KIF13B: variants seen among roughly 807,000 people sequenced by gnomAD.
KIF13B encodes kinesin family member 13B.
KIF13B carries 127 observed loss-of-function variants against 222.0 expected under a neutral mutation model. The observed-to-expected ratio is 0.57, with a 90% CI of 0.50 to 0.66. KIF13B has a LOEUF of 0.66. Among genes scored for constraint, KIF13B ranks in the 30% least tolerant of loss-of-function variants. KIF13B has a pLI of 0.00. For missense variants in KIF13B, 2,173 were observed against 2,379.0 expected (o/e 0.91, Z 1.80); for synonymous variants, 976 against 919.0 (o/e 1.06, Z -1.12).
chr8:29,246,098 G>A lies in KIF13B; in HGVS notation c.56-659C>T, dbSNP rs573335510. 2.5e-4 allele frequency among the ~76,000 whole-genome samples: 38 copies of A among 152,230 alleles called. No individual in the cohort carries two copies. The South Asian group carries it at 7.9e-3, about 32-fold the overall frequency. Reference sequence around the variant, plus strand: ...GTATACATGTATCAAAATATCACATGGCCGGGTGCGGTGGCTCACGTCTGT... The same window carrying A: ...GTATACATGTATCAAAATATCACATAGCCGGGTGCGGTGGCTCACGTCTGT... On this transcript the variant is annotated intron_variant, in intron 1 of 39. Coordinates refer to ENST00000524189, the MANE Select transcript of KIF13B (RefSeq NM_015254.4).
At chr8:29,218,434 A>C (rs924819898) in intron 2 of KIF13B, among the ~76,000 whole-genome samples, 2 of 152,212 alleles carry the variant, frequency 1.3e-5, no homozygotes, top group Non-Finnish European at 2.9e-5. Context: ...ATGAGACCTT[A>C]AACTATGCAT....
At chr8:29,225,592 G>T (rs4732670) in intron 2 of KIF13B, among the ~76,000 whole-genome samples, 10,144 of 152,204 alleles carry the variant, frequency 0.067, 452 homozygotes, top group African/African-American at 0.11. Context: ...TTTTAGACTA[G>T]ACAGTATCCA....
intron 31 of KIF13B, among the ~76,000 whole-genome samples, 168 bp from the exon 32 acceptor site, chr8:29,113,723 A>T (rs1049186289): frequency 6.6e-6 from 1 of 152,246 alleles, no homozygotes; most frequent in Non-Finnish European, 1.5e-5. Context: ...TCGTTGTCCT[A>T]TGGTACGAAA....
chr8:29,117,353 A>G (rs569694245), intron 30 of KIF13B, among the ~76,000 whole-genome samples: 1 of 152,294 alleles, frequency 6.6e-6, no homozygotes, highest in African/African-American at 2.4e-5. Context: ...TCTCTTTCTC[A>G]CAACTCACAC....
chr8:29,094,532 G>A (rs1344099902), intron 36 of KIF13B, among the ~76,000 whole-genome samples: 1 of 152,204 alleles, frequency 6.6e-6, no homozygotes, highest in Non-Finnish European at 1.5e-5. Context: ...AAGTAATCTA[G>A]AGAAGTAGTC....
chr8:29,102,939 T>A (rs538399035), intron 35 of KIF13B, among the ~76,000 whole-genome samples: 2 of 152,160 alleles, frequency 1.3e-5, no homozygotes, highest in African/African-American at 4.8e-5. Flanking sequence ...AAAATAACTT[T>A]GGAAATAAAA....
chr8:29,252,196 C>G (rs539198967), intron 1 of KIF13B, among the ~76,000 whole-genome samples: 1 of 152,208 alleles, frequency 6.6e-6, no homozygotes, highest in Non-Finnish European at 1.5e-5. Context: ...ATATCAACAG[C>G]TGACAACTCA....
intron 32 of KIF13B, 94 bp downstream of exon 32, chr8:29,113,369 C>T: frequency 1.5e-6 from 1 of 655,970 alleles, no homozygotes; most frequent in Non-Finnish European, 2.6e-6. Flanking sequence ...CATACACTTT[C>T]ACTTCATATG....
chr8:29,172,082 C>CTTT (rs35655869), intron 10 of KIF13B, among the ~76,000 whole-genome samples: 14 of 113,272 alleles, frequency 1.2e-4, no homozygotes, highest in Non-Finnish European at 2.1e-4. Flanking sequence ...ATTTTCTTTT[C>CTTT]TTTTTTTTTT....
chr8:29,179,969 T>C, intron 8 of KIF13B, 135 bp downstream of exon 8: 1 of 955,026 alleles, frequency 1.0e-6, no homozygotes, highest in Non-Finnish European at 1.6e-6. Context: ...GAGGAGCTTC[T>C]GTTTCTCGTC....
chr8:29,180,346 A>C, intron 7 of KIF13B, 108 bp from the exon 8 acceptor site: 1 of 1,089,578 alleles, frequency 9.2e-7, no homozygotes, highest in South Asian at 1.4e-5. Context: ...AGTCAACAAC[A>C]TTTGGAGTTA....
intron 2 of KIF13B, among the ~76,000 whole-genome samples, chr8:29,206,395 A>T (rs1031975980): frequency 6.6e-6 from 1 of 152,250 alleles, no homozygotes. Context: ...GGGTTAAGTC[A>T]GCCAGCAGGT....
intron 2 of KIF13B, among the ~76,000 whole-genome samples, chr8:29,237,927 A>G (rs1815584710): frequency 6.6e-6 from 1 of 152,200 alleles, no homozygotes; most frequent in African/African-American, 2.4e-5. Flanking sequence ...AGTACACAGA[A>G]CCACGCTCTC....
At chr8:29,225,234 G>A (rs758343462) in intron 2 of KIF13B, among the ~76,000 whole-genome samples, 6 of 152,180 alleles carry the variant, frequency 3.9e-5, no homozygotes, top group Non-Finnish European at 5.9e-5. Flanking sequence ...AGCTTTTTCC[G>A]CATGTGAAGG....
At chr8:29,133,018 C>A (rs1049178126) in intron 22 of KIF13B, among the ~76,000 whole-genome samples, 1 of 152,172 alleles carries the variant, frequency 6.6e-6, no homozygotes, top group Non-Finnish European at 1.5e-5. Flanking sequence ...TTAAAGAAAT[C>A]ACAGAATCTC....
intron 35 of KIF13B, among the ~76,000 whole-genome samples, chr8:29,105,657 T>G (rs944271359): frequency 2.0e-5 from 2 of 100,414 alleles, no homozygotes; most frequent in Non-Finnish European, 4.6e-5. Context: ...TTGGTTTTTT[T>G]TTTTTTTTTT....
At chr8:29,253,156 C>T (rs151093534) in intron 1 of KIF13B, among the ~76,000 whole-genome samples, 3 of 152,088 alleles carry the variant, frequency 2.0e-5, no homozygotes, top group African/African-American at 7.2e-5. Context: ...CTGAGCAACA[C>T]AGCAAGAACC....
At chr8:29,122,501 T>C in intron 29 of KIF13B, 90 bp downstream of exon 29, 2 of 1,016,876 alleles carry the variant, frequency 2.0e-6, no homozygotes, top group Non-Finnish European at 3.0e-6. Flanking sequence ...GGGGACAGAA[T>C]TGCCTCACGA....
intron 2 of KIF13B, among the ~76,000 whole-genome samples, chr8:29,218,459 A>C (rs1368527712): frequency 6.6e-6 from 1 of 152,198 alleles, no homozygotes; most frequent in African/African-American, 2.4e-5. Context: ...TTAAGAAACC[A>C]TGAGCTAAAA....
Sources: allele counts gnomAD v4.1 joint callset (sites outside exome capture counted in the v4.1 genomes callset), GRCh38; gene constraint gnomAD v4.1.1; transcripts MANE v1.5; gene names NCBI Gene and HGNC (gene_info 2026-07-23, HGNC 2026-07-21).